PUDP: variants seen among roughly 807,000 people sequenced by gnomAD.
PUDP encodes pseudouridine-5'-phosphatase.
A neutral mutation model predicts 9.4 loss-of-function variants in PUDP; 8 were observed. The ratio of observed to expected loss-of-function variants is 0.85; its 90% confidence interval spans 0.50 to 1.53. The LOEUF (loss-of-function observed/expected upper bound fraction) is 1.53. Ranked by LOEUF, PUDP falls within the 40% of genes most tolerant of loss-of-function variation. The pLI is 0.00. For synonymous variants in PUDP, 99 were observed against 80.7 expected (o/e 1.23, Z -1.22); for missense variants, 188 against 189.7 (o/e 0.99, Z 0.05).
intron 3 of PUDP, among the ~76,000 whole-genome samples, chrX:6,758,902 A>G (rs1369927740): frequency 1.8e-5 from 2 of 112,020 alleles, no homozygotes; most frequent in South Asian, 7.5e-4. Flanking sequence ...ATTGCTGCAC[A>G]TGTAGGCTAT....
intron 3 of PUDP, among the ~76,000 whole-genome samples, chrX:6,932,339 C>T (rs944464055): frequency 1.9e-4 from 21 of 111,796 alleles, no homozygotes; most frequent in African/African-American, 5.9e-4. Context: ...GTGTGAGGCG[C>T]GTGTTTCAGC....
chrX:7,081,684 C>G (rs1931092488), intron 2 of PUDP, among the ~76,000 whole-genome samples: 1 of 113,050 alleles, frequency 8.8e-6, no homozygotes, highest in Non-Finnish European at 1.9e-5. Context: ...CAAGACAAGA[C>G]TATGACCACA....
intron 3 of PUDP, among the ~76,000 whole-genome samples, chrX:6,820,358 G>A (rs903157727): frequency 1.5e-4 from 17 of 110,589 alleles, no homozygotes; most frequent in African/African-American, 4.9e-4. Context: ...CAAATCTCAC[G>A]TCTTCACATT....
chrX:7,093,904 G>C (rs1424959053), intron 2 of PUDP, among the ~76,000 whole-genome samples: 1 of 111,163 alleles, frequency 9.0e-6, no homozygotes, highest in South Asian at 3.8e-4. Context: ...CCAGGAGTTT[G>C]AGACCAGCCT....
chrX:6,733,982 T>C (rs900633801), intron 3 of PUDP, among the ~76,000 whole-genome samples: 11 of 109,421 alleles, frequency 1.0e-4, no homozygotes, highest in African/African-American at 3.3e-4. Context: ...TTCACCATAT[T>C]GGTCAGTCTG....
At chrX:7,109,925 T>C (rs1444603941) in intron 1 of PUDP, among the ~76,000 whole-genome samples, 1 of 112,645 alleles carries the variant, frequency 8.9e-6, no homozygotes, top group African/African-American at 3.2e-5. Flanking sequence ...CCACATACAC[T>C]ACTACCCTCC....
intron 3 of PUDP, among the ~76,000 whole-genome samples, chrX:6,957,836 G>A (rs1928650294): frequency 8.9e-6 from 1 of 111,991 alleles, no homozygotes; most frequent in Non-Finnish European, 1.9e-5. Flanking sequence ...CTTAAGTGGT[G>A]GTGATCACAA....
At chrX:7,033,039 C>G (rs1159947210) in intron 1 of PUDP, among the ~76,000 whole-genome samples, 1 of 111,502 alleles carries the variant, frequency 9.0e-6, no homozygotes, top group Admixed American at 9.6e-5. Flanking sequence ...AATCAGCTGC[C>G]AGCGTGGTAG....
intron 1 of PUDP, among the ~76,000 whole-genome samples, chrX:7,116,428 G>C (rs1932195022): frequency 9.0e-6 from 1 of 111,621 alleles, no homozygotes; most frequent in African/African-American, 3.3e-5. Context: ...ACCCTGGCCT[G>C]CCTCCTGGTT....
intron 1 of PUDP, among the ~76,000 whole-genome samples, chrX:6,717,472 G>A (rs977535671): frequency 9.0e-6 from 1 of 111,443 alleles, no homozygotes; most frequent in Non-Finnish European, 1.9e-5. Flanking sequence ...TCTATTCTTG[G>A]TTTCTTTTCC....
intron 3 of PUDP, among the ~76,000 whole-genome samples, chrX:6,731,189 G>A (rs1423452014): frequency 1.8e-5 from 2 of 112,113 alleles, no homozygotes; most frequent in East Asian, 5.6e-4. Context: ...TCCTGTCTCA[G>A]CCCCCTGAGT....
chrX:6,825,932 AC>A (rs764719511), intron 3 of PUDP, among the ~76,000 whole-genome samples: 2 of 111,695 alleles, frequency 1.8e-5, no homozygotes, highest in Non-Finnish European at 3.8e-5. Context: ...TATGCACATA[AC>A]CAAAATCGAC....
intron 3 of PUDP, among the ~76,000 whole-genome samples, chrX:6,768,213 G>A (rs1925309721): frequency 9.0e-6 from 1 of 111,725 alleles, no homozygotes; most frequent in African/African-American, 3.3e-5. Flanking sequence ...TACAGTGAGG[G>A]GTTGTGGGGA....
intron 1 of PUDP, among the ~76,000 whole-genome samples, chrX:7,038,482 A>C (rs1216456250): frequency 8.9e-6 from 1 of 112,022 alleles, no homozygotes; most frequent in African/African-American, 3.2e-5. Context: ...AAATAATTAA[A>C]ATTAGGTGAA....
At chrX:6,979,063 T>C (rs4830471) in intron 1 of PUDP, among the ~76,000 whole-genome samples, 12,247 of 73,006 alleles carry the variant, frequency 0.17, 741 homozygotes, top group East Asian at 0.31. Context: ...ATTAAAATTA[T>C]TTTAATTAAT....
intron 3 of PUDP, among the ~76,000 whole-genome samples, chrX:6,799,849 A>T (rs371302065): frequency 6.5e-5 from 7 of 108,372 alleles, no homozygotes; most frequent in South Asian, 3.9e-4. Context: ...AAAAAATAAT[A>T]AAAAAAAAAT....
intron 3 of PUDP, among the ~76,000 whole-genome samples, chrX:6,795,170 G>A (rs1223838479): frequency 9.0e-6 from 1 of 110,945 alleles, no homozygotes; most frequent in Non-Finnish European, 1.9e-5. Context: ...TAATCTTAGG[G>A]GATCTGCATC....
In PUDP at chrX:6,814,163, C is replaced by G. The variant is rs567528772; in HGVS notation, c.*248-107697G>C. On this transcript the variant is annotated intron_variant and NMD_transcript_variant, in intron 3 of 3. Coordinates refer to the PUDP transcript ENST00000655425. Reference sequence around the variant, plus strand: ...ATCAGCCCACATTGTCCCTTTAAGCCACGTGGCACCAGGTTTCTTTTTTAC... The same window carrying G: ...ATCAGCCCACATTGTCCCTTTAAGCGACGTGGCACCAGGTTTCTTTTTTAC... 8.7e-4 allele frequency among the ~76,000 whole-genome samples: 97 copies of G among 111,397 alleles called. 1 individual carries two copies. Among genetic ancestry groups the G allele is most frequent in the South Asian group, 5.0e-3 (13 of 2,587 alleles).
At chrX:6,746,669 T>C (rs1462494879) in intron 3 of PUDP, among the ~76,000 whole-genome samples, 1 of 111,241 alleles carries the variant, frequency 9.0e-6, no homozygotes, top group East Asian at 2.8e-4. Context: ...ATGTGGTGTT[T>C]GGTTTTTCTG....
Sources: allele counts gnomAD v4.1 joint callset (sites outside exome capture counted in the v4.1 genomes callset), GRCh38; gene constraint gnomAD v4.1.1; transcripts MANE v1.5; gene names NCBI Gene and HGNC (gene_info 2026-07-23, HGNC 2026-07-21).